The following SFMBT2 variants were observed in gnomAD, a reference collection of about 807,000 sequenced individuals.
The protein encoded by SFMBT2 is scm-like with four MBT domains protein 2.
Under a neutral mutation model 110.1 loss-of-function variants are expected in SFMBT2, and 38 were observed. That is an observed-to-expected ratio of 0.35 (90% CI 0.27 to 0.45). The LOEUF (loss-of-function observed/expected upper bound fraction) is 0.45, where lower values mean the gene tolerates loss of function less well. Ranked by LOEUF, SFMBT2 falls within the 20% of genes least tolerant of loss-of-function variation. The pLI is 1.00. For missense variants in SFMBT2, 1,011 were observed against 1,094.9 expected (o/e 0.92, Z 1.08); for synonymous variants, 425 against 425.4 (o/e 1.00, Z 0.01).
intron 16 of SFMBT2, among the ~76,000 whole-genome samples, chr10:7,179,985 T>C (rs949050784): frequency 2.0e-5 from 3 of 152,018 alleles, no homozygotes; most frequent in Non-Finnish European, 4.4e-5. Flanking sequence ...CAGTGAGGGG[T>C]AGAGGGGACT....
At chr10:7,247,764 T>G (rs546743195) in intron 8 of SFMBT2, among the ~76,000 whole-genome samples, 5 of 152,372 alleles carry the variant, frequency 3.3e-5, no homozygotes, top group South Asian at 2.1e-4. Context: ...AATGTTAAGT[T>G]TCCCGCACCA....
chr10:7,249,675 T>A, intron 7 of SFMBT2: 1 of 398,082 alleles, frequency 2.5e-6, no homozygotes, highest in Non-Finnish European at 3.4e-6. Context: ...CAGAGCCCAG[T>A]CGGGCAGTGC....
intron 1 of SFMBT2, among the ~76,000 whole-genome samples, chr10:7,386,750 T>C (rs1437115877): frequency 6.6e-6 from 1 of 152,214 alleles, no homozygotes; most frequent in Non-Finnish European, 1.5e-5. Flanking sequence ...AGTGTTAGCA[T>C]GGTAAGCATG....
At chr10:7,175,325 G>A (rs1024335156) in intron 17 of SFMBT2, among the ~76,000 whole-genome samples, 5 of 152,332 alleles carry the variant, frequency 3.3e-5, no homozygotes, top group Admixed American at 1.3e-4. Context: ...GAAGGGCAGG[G>A]CTCAGGGGAA....
chr10:7,234,408 C>T (rs1424702508), intron 9 of SFMBT2, among the ~76,000 whole-genome samples: 2 of 152,136 alleles, frequency 1.3e-5, no homozygotes, highest in African/African-American at 2.4e-5. Context: ...CACAATGTTA[C>T]GGGACACAGG....
intron 4 of SFMBT2, chr10:7,320,423 G>C (rs1843151090): frequency 4.9e-6 from 1 of 202,504 alleles, no homozygotes; most frequent in Non-Finnish European, 8.8e-6. Context: ...AAGAGAACCA[G>C]GGCAGAGATG....
At chr10:7,392,217 CA>C (rs1244473811) in intron 1 of SFMBT2, among the ~76,000 whole-genome samples, 1 of 152,102 alleles carries the variant, frequency 6.6e-6, no homozygotes, top group Non-Finnish European at 1.5e-5. Context: ...ATTTGACATT[CA>C]AAAAATAGTA....
Position 7,370,198 on chromosome 10 carries a change from C to T in SFMBT2, c.195+83G>A. On this transcript the variant is annotated intron_variant, in intron 3 of 20. Transcript: ENST00000397167. ...TTCCCTCTTTCCTCTGCCCTTCTTCCATTGAGTTCTCCGGCTTCTCCCTAT... is the reference window on the plus strand; with the variant it reads ...TTCCCTCTTTCCTCTGCCCTTCTTCTATTGAGTTCTCCGGCTTCTCCCTAT... 3 of 1,249,750 alleles carry T rather than the reference C, an allele frequency of 2.4e-6. No homozygotes were observed. The East Asian group carries it at 7.0e-5, about 29-fold the overall frequency. The allele number at this position is 1,249,750 out of a possible 1,614,324, so 77.4% of individuals were successfully genotyped here.
intron 4 of SFMBT2, among the ~76,000 whole-genome samples, chr10:7,342,081 A>G (rs1564448831): frequency 6.8e-6 from 1 of 146,746 alleles, no homozygotes; most frequent in East Asian, 1.9e-4. Context: ...TCACTGCCTC[A>G]TTAAAAAAAA....
intron 6 of SFMBT2, among the ~76,000 whole-genome samples, chr10:7,277,855 C>A (rs929218106): frequency 6.6e-6 from 1 of 152,214 alleles, no homozygotes; most frequent in Non-Finnish European, 1.5e-5. Flanking sequence ...TAAAAAGCAA[C>A]AGTAAACCTT....
chr10:7,302,249 A>G (rs1280661935), intron 4 of SFMBT2, among the ~76,000 whole-genome samples: 1 of 152,202 alleles, frequency 6.6e-6, no homozygotes, highest in Non-Finnish European at 1.5e-5. Flanking sequence ...TGCTAATAAG[A>G]CAAGGCACCC....
At position 7,376,942 on chromosome 10, in the gene SFMBT2, G is replaced by A. The variant is rs561842101; in HGVS notation, c.100+4857C>T. ...ATCCCAGCACTTGGGAGGCCGAGGC[G>A]GGCAAATCACGAGGTCAGGAGATCG... On this transcript the variant is annotated intron_variant, in intron 2 of 20. Coordinates refer to ENST00000397167, the MANE Select transcript of SFMBT2 (RefSeq NM_001387889.1). Among the ~76,000 whole-genome samples, 9 of 150,778 alleles carry A rather than the reference G, an allele frequency of 6.0e-5. No homozygotes were observed. The East Asian group carries it at 7.8e-4, about 13-fold the overall frequency.
chr10:7,317,805 A>T (rs1356358150), intron 4 of SFMBT2, among the ~76,000 whole-genome samples: 3 of 152,194 alleles, frequency 2.0e-5, no homozygotes, highest in Non-Finnish European at 4.4e-5. Context: ...TTAGGTTTCA[A>T]ATTCTATTAA....
At chr10:7,202,419 C>T in intron 13 of SFMBT2, 61 bp downstream of exon 13, 1 of 1,606,584 alleles carries the variant, frequency 6.2e-7, no homozygotes, top group South Asian at 1.1e-5. Flanking sequence ...TTCCCATCCT[C>T]CATAAAGACA....
chr10:7,347,351 T>G (rs1844149752), intron 4 of SFMBT2, among the ~76,000 whole-genome samples: 1 of 152,130 alleles, frequency 6.6e-6, no homozygotes, highest in African/African-American at 2.4e-5. Flanking sequence ...ACTTCTAAAT[T>G]AACTTGAGCC....
chr10:7,235,601 C>T (rs111955841), intron 9 of SFMBT2, among the ~76,000 whole-genome samples: 5,159 of 151,862 alleles, frequency 0.034, 253 homozygotes, highest in African/African-American at 0.11. Context: ...CACACATACA[C>T]ATCACATATT....
At chr10:7,410,007 T>C (rs772087584) in intron 1 of SFMBT2, among the ~76,000 whole-genome samples, 3 of 150,922 alleles carry the variant, frequency 2.0e-5, no homozygotes, top group Non-Finnish European at 4.4e-5. Context: ...CATCTCGCAG[T>C]TCCTACAGTT....
At chr10:7,248,713 G>A (rs950568212) in intron 7 of SFMBT2, 64 bp from the exon 8 acceptor site, 102 of 1,447,422 alleles carry the variant, frequency 7.0e-5, no homozygotes, top group Admixed American at 3.8e-4. Context: ...GCCACTGTCC[G>A]GATGCGCTCC....
intron 10 of SFMBT2, among the ~76,000 whole-genome samples, chr10:7,222,843 T>A (rs892547000): frequency 1.3e-5 from 2 of 152,084 alleles, no homozygotes; most frequent in African/African-American, 2.4e-5. Context: ...CTAATTTTTT[T>A]ATATTTTTAG....
Sources: allele counts gnomAD v4.1 joint callset (sites outside exome capture counted in the v4.1 genomes callset), GRCh38; gene constraint gnomAD v4.1.1; transcripts MANE v1.5; gene names NCBI Gene and HGNC (gene_info 2026-07-23, HGNC 2026-07-21).